Variants in TIA1 observed in about 807,000 individuals in gnomAD.
TIA1 encodes TIA1 cytotoxic granule associated RNA binding protein.
A neutral mutation model predicts 65.9 loss-of-function variants in TIA1; 23 were observed. That is an observed-to-expected ratio of 0.35 (90% CI 0.25 to 0.49). The LOEUF (loss-of-function observed/expected upper bound fraction) is 0.49. Ranked by LOEUF, TIA1 falls within the 20% of genes least tolerant of loss-of-function variation. The pLI is 0.98. For synonymous variants in TIA1, 147 were observed against 149.4 expected (o/e 0.98, Z 0.12); for missense variants, 371 against 477.9 (o/e 0.78, Z 2.09).
At chr2:70,223,594 T>C (rs1682480957) in intron 7 of TIA1, among the ~76,000 whole-genome samples, 1 of 151,708 alleles carries the variant, frequency 6.6e-6, no homozygotes, top group East Asian at 2.0e-4. Flanking sequence ...GCTAATTTTT[T>C]GTAGAGATGG....
intron 6 of TIA1, among the ~76,000 whole-genome samples, chr2:70,226,670 C>CT (rs1415043114): frequency 1.3e-5 from 2 of 152,090 alleles, no homozygotes; most frequent in Non-Finnish European, 2.9e-5. Flanking sequence ...CTAAGACTGT[C>CT]TAAGTCCAGA....
chr2:70,214,907 G>A (rs544059117), intron 11 of TIA1, among the ~76,000 whole-genome samples: 1 of 152,146 alleles, frequency 6.6e-6, no homozygotes, highest in African/African-American at 2.4e-5. Context: ...TCCCATCTCT[G>A]TGCTCCATTT....
intron 12 of TIA1, 146 bp downstream of exon 12, chr2:70,214,202 TA>T: frequency 1.1e-6 from 1 of 894,486 alleles, no homozygotes; most frequent in Non-Finnish European, 1.6e-6. Context: ...ATTTTCTTAC[TA>T]AAAAACAATT....
chr2:70,219,330 T>A (rs1050576661), intron 7 of TIA1, among the ~76,000 whole-genome samples: 1 of 152,006 alleles, frequency 6.6e-6, no homozygotes, highest in Non-Finnish European at 1.5e-5. Flanking sequence ...ACCTTGAAAA[T>A]AGAGTAGCAT....
chr2:70,215,983 TGA>T, intron 10 of TIA1: 1 of 488,918 alleles, frequency 2.0e-6, no homozygotes, highest in Non-Finnish European at 3.5e-6. Flanking sequence ...CTCAAACTCA[TGA>T]CGGTGATCCA....
intron 7 of TIA1, among the ~76,000 whole-genome samples, chr2:70,221,072 TC>T (rs911335902): frequency 3.2e-4 from 48 of 152,210 alleles, no homozygotes; most frequent in African/African-American, 1.1e-3. Flanking sequence ...AGTGGCATAA[TC>T]TCAGCTCACT....
Position 70,235,572 on chromosome 2 carries a change from A to G in TIA1, c.123+507T>C, listed in dbSNP as rs7582199. ...TGTGTGTGTGTGTGTGTGTGTGTGT[A>G]TGTGTGTGTGTTTAATACATTGTCT... On this transcript the variant is annotated intron_variant, in intron 2 of 12. Coordinates refer to ENST00000433529, the MANE Select transcript of TIA1 (RefSeq NM_022173.4). Among the ~76,000 whole-genome samples, 584 of 81,972 alleles carry G rather than the reference A, an allele frequency of 7.1e-3. 1 individual carries two copies. The highest frequency in any genetic ancestry group is 0.027 in the African/African-American group (492 of 18,534). The allele number at this position is 81,972 out of a possible 152,430, so 53.8% of individuals were successfully genotyped here.
chr2:70,234,227 T>C (rs916824234), intron 2 of TIA1, among the ~76,000 whole-genome samples: 3 of 152,226 alleles, frequency 2.0e-5, no homozygotes, highest in African/African-American at 4.8e-5. Context: ...ACACCTTCTT[T>C]ATGTTTCTAT....
At chr2:70,244,752 G>A (rs369761412) in intron 1 of TIA1, among the ~76,000 whole-genome samples, 2 of 147,476 alleles carry the variant, frequency 1.4e-5, no homozygotes, top group South Asian at 2.2e-4. Context: ...GGAGAATGGC[G>A]TGAACCTGGA....
intron 5 of TIA1, 154 bp from the exon 6 acceptor site, chr2:70,227,976 A>T: frequency 1.1e-5 from 5 of 472,716 alleles, no homozygotes; most frequent in East Asian, 3.6e-5. Flanking sequence ...AATCCTACCA[A>T]TTTTAAACAA....
intron 1 of TIA1, among the ~76,000 whole-genome samples, chr2:70,241,210 A>C (rs891634637): frequency 9.2e-5 from 14 of 151,930 alleles, no homozygotes; most frequent in South Asian, 8.3e-4. Context: ...ACTTTGGGAG[A>C]CCGAGGCGGA....
At chr2:70,225,879 A>G (rs1374416200) in intron 6 of TIA1, among the ~76,000 whole-genome samples, 2 of 152,138 alleles carry the variant, frequency 1.3e-5, no homozygotes, top group Non-Finnish European at 2.9e-5. Context: ...AAAATACCAT[A>G]TTTTTTATAC....
intron 10 of TIA1, 80 bp downstream of exon 10, chr2:70,216,128 A>C: frequency 8.4e-7 from 1 of 1,185,420 alleles, no homozygotes; most frequent in Non-Finnish European, 1.2e-6. Context: ...TTTGGAGGAA[A>C]AAGTTTTTTA....
chr2:70,237,591 G>A (rs962351960), intron 1 of TIA1, among the ~76,000 whole-genome samples: 4 of 151,950 alleles, frequency 2.6e-5, no homozygotes, highest in East Asian at 1.9e-4. Flanking sequence ...ATGGCTGGGC[G>A]AGGTGGCTCA....
chr2:70,236,320 T>G (rs1001352784), intron 1 of TIA1, 145 bp from the exon 2 acceptor site: 2 of 528,222 alleles, frequency 3.8e-6, no homozygotes, highest in East Asian at 3.4e-5. Flanking sequence ...TGCCTCAGCC[T>G]CCCCGAGTAG....
At chr2:70,219,231 G>C (rs1680106960) in intron 7 of TIA1, among the ~76,000 whole-genome samples, 1 of 151,224 alleles carries the variant, frequency 6.6e-6, no homozygotes, top group Admixed American at 6.6e-5. Context: ...CACTAGCTAA[G>C]GTGACTAGGG....
chr2:70,239,985 A>C (rs963343430), intron 1 of TIA1, among the ~76,000 whole-genome samples: 1 of 152,244 alleles, frequency 6.6e-6, no homozygotes. Flanking sequence ...TAAATTAACA[A>C]TGTGTAAACC....
chr2:70,215,567 A>C, intron 10 of TIA1, 73 bp from the exon 11 acceptor site: 1 of 1,395,376 alleles, frequency 7.2e-7, no homozygotes, highest in South Asian at 1.3e-5. Context: ...TATTTTTAAA[A>C]ATCAAGGTGA....
chr2:70,209,566 C>A lies in TIA1; in HGVS notation c.*3153G>T, dbSNP rs1675952447. 2.5e-6 allele frequency: 1 copy of A among 398,070 alleles called. No individual in the cohort carries two copies. The highest frequency in any genetic ancestry group is 1.3e-4 in the South Asian group (1 of 7,844). 24.7% of individuals were successfully genotyped at this position (398,070 alleles called of 1,614,324 possible). A position where few individuals can be genotyped will look rare whatever the true frequency, so the allele number is the denominator to read the frequency against. On this transcript the variant is annotated 3_prime_UTR_variant, in exon 13 of 13. Coordinates refer to ENST00000433529, the MANE Select transcript of TIA1 (RefSeq NM_022173.4). ...CAGTGACTGTAATGAAATGTAATAA[C>A]CTCCTATAAAGAAACGATTGGGGAC...
Sources: gnomAD v4.1 joint callset for allele counts (sites outside exome capture counted in the v4.1 genomes callset) on GRCh38, gnomAD v4.1.1 for gene constraint, MANE v1.5 for transcripts, NCBI Gene and HGNC (gene_info 2026-07-23, HGNC 2026-07-21) for gene names.